TOM1L2: variants seen among roughly 807,000 people sequenced by gnomAD.
The protein encoded by TOM1L2 is TOM1-like protein 2.
A neutral mutation model predicts 67.9 loss-of-function variants in TOM1L2; 31 were observed. The observed-to-expected ratio is 0.46, with a 90% CI of 0.34 to 0.62. The LOEUF (loss-of-function observed/expected upper bound fraction) is 0.62, where lower values mean the gene tolerates loss of function less well. Among genes scored for constraint, TOM1L2 ranks in the 20% least tolerant of loss-of-function variants. TOM1L2 has a pLI of 0.01. For synonymous variants in TOM1L2, 256 were observed against 254.0 expected (o/e 1.01, Z -0.07); for missense variants, 606 against 663.5 (o/e 0.91, Z 0.95).
At chr17:17,848,519 G>C (rs1227230848) in intron 14 of TOM1L2, among the ~76,000 whole-genome samples, 1 of 152,252 alleles carries the variant, frequency 6.6e-6, no homozygotes, top group Non-Finnish European at 1.5e-5. Context: ...CTGCGTGTCT[G>C]AGCTGGGCTG....
Position 17,940,149 on chromosome 17 carries a change from C to T in TOM1L2, c.52+32113G>A, listed in dbSNP as rs183916309. 1.1e-3 allele frequency among the ~76,000 whole-genome samples: 154 copies of T among 145,942 alleles called. 1 individual carries two copies. Among genetic ancestry groups the T allele is most frequent in the African/African-American group, 3.7e-3 (142 of 38,494 alleles). ...CGGAGGTCGCAGTGAGCTGAGATCACGCCTCTGCATTCCAGGCTGGGCGAC... is the reference window on the plus strand; with the variant it reads ...CGGAGGTCGCAGTGAGCTGAGATCATGCCTCTGCATTCCAGGCTGGGCGAC... On this transcript the variant is annotated intron_variant, in intron 1 of 14. Transcript: ENST00000379504.
At chr17:17,940,703 C>T (rs2040697252) in intron 1 of TOM1L2, among the ~76,000 whole-genome samples, 1 of 152,236 alleles carries the variant, frequency 6.6e-6, no homozygotes. Context: ...CTGGTCTCCA[C>T]AGCTGTCATT....
At chr17:17,927,370 T>G (rs2040137136) in intron 1 of TOM1L2, among the ~76,000 whole-genome samples, 1 of 152,216 alleles carries the variant, frequency 6.6e-6, no homozygotes, top group Non-Finnish European at 1.5e-5. Flanking sequence ...TGAGGCCAGC[T>G]GCAGAGGCTG....
intron 1 of TOM1L2, among the ~76,000 whole-genome samples, chr17:17,933,395 T>C (rs191616358): frequency 1.1e-4 from 17 of 152,312 alleles, no homozygotes; most frequent in Admixed American, 1.1e-3. Flanking sequence ...AGAATATAGC[T>C]GGGCACATAG....
chr17:17,899,112 C>T (rs76722346), intron 2 of TOM1L2, among the ~76,000 whole-genome samples: 4,698 of 152,320 alleles, frequency 0.031, 90 homozygotes, highest in South Asian at 0.054. Context: ...AGGTTTTTCA[C>T]TGGACTGCCT....
intron 12 of TOM1L2, among the ~76,000 whole-genome samples, chr17:17,851,548 G>A (rs946330827): frequency 6.6e-6 from 1 of 152,212 alleles, no homozygotes; most frequent in Non-Finnish European, 1.5e-5. Context: ...GCTCCGCTGG[G>A]CTGGGTGTGG....
At chr17:17,880,383 C>A (rs1343123089) in intron 6 of TOM1L2, among the ~76,000 whole-genome samples, 1 of 152,204 alleles carries the variant, frequency 6.6e-6, no homozygotes, top group Admixed American at 6.5e-5. Context: ...TCAGCGATCC[C>A]AAAGCCTGGA....
chr17:17,906,793 C>G (rs1347691630), intron 2 of TOM1L2, among the ~76,000 whole-genome samples: 1 of 152,176 alleles, frequency 6.6e-6, no homozygotes, highest in Non-Finnish European at 1.5e-5. Context: ...CCTTGCCACT[C>G]CTGAAAATGG....
chr17:17,919,101 A>C (rs1471794042), intron 1 of TOM1L2, among the ~76,000 whole-genome samples: 1 of 152,178 alleles, frequency 6.6e-6, no homozygotes, highest in Non-Finnish European at 1.5e-5. Flanking sequence ...GGTGAGTTCT[A>C]GTTCTGCCAA....
chr17:17,874,059 C>T (rs1314950588), intron 7 of TOM1L2, among the ~76,000 whole-genome samples: 1 of 148,098 alleles, frequency 6.8e-6, no homozygotes, highest in African/African-American at 2.5e-5. Flanking sequence ...GGGTTCATGA[C>T]ATTCTCCTGC....
chr17:17,870,586 G>GT (rs140445913), intron 7 of TOM1L2, among the ~76,000 whole-genome samples: 356 of 152,312 alleles, frequency 2.3e-3, no homozygotes, highest in Non-Finnish European at 4.0e-3. Flanking sequence ...TGAAGGATAA[G>GT]TCTCTCCTTC....
At chr17:17,861,827 A>G (rs1260932548) in intron 11 of TOM1L2, 2 of 366,534 alleles carry the variant, frequency 5.5e-6, no homozygotes, top group Non-Finnish European at 5.0e-6. Context: ...CTTGAGTAAC[A>G]ATACTGAGCA....
intron 6 of TOM1L2, among the ~76,000 whole-genome samples, chr17:17,880,871 A>G (rs2037686088): frequency 6.6e-6 from 1 of 152,116 alleles, no homozygotes; most frequent in Admixed American, 6.6e-5. Context: ...TTCTTCCTGC[A>G]CTGTGACCCA....
At chr17:17,863,217 T>C (rs2036657876) in intron 10 of TOM1L2, 1 of 197,282 alleles carries the variant, frequency 5.1e-6, no homozygotes, top group African/African-American at 2.3e-5. Context: ...ATCTATTTAT[T>C]CAGCAAATAT....
rs1406600718 is a variant in TOM1L2 at position 17,896,713 on chromosome 17, TA to T, written c.216+1882del. ...ATGAAGCCAAAAGCCATGGAGAAAG[TA>T]AACGGGGCCTCTAAGCAATCAGAAG... On this transcript the variant is annotated intron_variant, in intron 3 of 14. Coordinates refer to ENST00000379504, the MANE Select transcript of TOM1L2 (RefSeq NM_001082968.2). 8.5e-5 allele frequency among the ~76,000 whole-genome samples: 13 copies of T among 152,078 alleles called. 1 individual carries two copies. Among genetic ancestry groups the T allele is most frequent in the African/African-American group, 3.1e-4 (13 of 41,402 alleles).
Position 17,847,319 on chromosome 17 carries a change from T to C in TOM1L2, c.*316A>G. 2.8e-6 allele frequency: 1 copy of C among 362,620 alleles called. No homozygotes were observed. The highest frequency in any genetic ancestry group is 5.0e-6 in the Non-Finnish European group (1 of 198,452). 22.5% of individuals were successfully genotyped at this position (362,620 alleles called of 1,614,324 possible). A position where few individuals can be genotyped will look rare whatever the true frequency, so the allele number is the denominator to read the frequency against. On this transcript the variant is annotated 3_prime_UTR_variant, in exon 15 of 15. Transcript: ENST00000379504. ...CCATGGGCGGGTGGAGGAAAGACAGTCCGGGTGGTCTGCTCAGGAAGCACT... is the reference window on the plus strand; with the variant it reads ...CCATGGGCGGGTGGAGGAAAGACAGCCCGGGTGGTCTGCTCAGGAAGCACT...
At chr17:17,921,492 T>C (rs1382534611) in intron 1 of TOM1L2, among the ~76,000 whole-genome samples, 3 of 151,406 alleles carry the variant, frequency 2.0e-5, no homozygotes, top group Non-Finnish European at 4.4e-5. Context: ...TGTGTGAGAG[T>C]AGCTGGGGGA....
chr17:17,871,086 CG>C (rs1394413495), intron 7 of TOM1L2, among the ~76,000 whole-genome samples: 1 of 152,162 alleles, frequency 6.6e-6, no homozygotes, highest in East Asian at 1.9e-4. Flanking sequence ...ATTCAGAGGC[CG>C]GGGCCAGGTG....
intron 1 of TOM1L2, among the ~76,000 whole-genome samples, chr17:17,958,941 T>C (rs1166694828): frequency 2.6e-5 from 4 of 152,194 alleles, no homozygotes; most frequent in African/African-American, 9.7e-5. Context: ...GAAACCTCCA[T>C]TAATACCCCT....
Sources: allele counts gnomAD v4.1 joint callset (sites outside exome capture counted in the v4.1 genomes callset), GRCh38; gene constraint gnomAD v4.1.1; transcripts MANE v1.5; gene names NCBI Gene and HGNC (gene_info 2026-07-23, HGNC 2026-07-21).